Variants in LRMDA observed in about 807,000 individuals in gnomAD.
LRMDA encodes leucine-rich melanocyte differentiation-associated protein.
A neutral mutation model predicts 29.8 loss-of-function variants in LRMDA; 18 were observed. That is an observed-to-expected ratio of 0.60 (90% CI 0.42 to 0.90). LRMDA has a LOEUF of 0.90. LRMDA is among the 40% of genes least tolerant of loss of function. The probability of loss-of-function intolerance (pLI) is 0.00; values close to 1 mark genes in which losing one functional copy is unlikely to be tolerated. For synonymous variants in LRMDA, 125 were observed against 109.4 expected (o/e 1.14, Z -0.89); for missense variants, 273 against 273.9 (o/e 1.00, Z 0.02).
At chr10:75,511,223 T>A (rs1192624324) in intron 2 of LRMDA, among the ~76,000 whole-genome samples, 2 of 152,006 alleles carry the variant, frequency 1.3e-5, no homozygotes, top group Non-Finnish European at 2.9e-5. Flanking sequence ...TAGTCCCACC[T>A]ACTCGCGAGG....
At chr10:76,283,417 G>A (rs1840231061) in intron 5 of LRMDA, among the ~76,000 whole-genome samples, 1 of 152,190 alleles carries the variant, frequency 6.6e-6, no homozygotes, top group African/African-American at 2.4e-5. Context: ...GAAGGAGCAT[G>A]AATGAGACAA....
chr10:76,484,034 C>G (rs1241931595), intron 6 of LRMDA, among the ~76,000 whole-genome samples: 1 of 151,904 alleles, frequency 6.6e-6, no homozygotes, highest in African/African-American at 2.4e-5. Context: ...ACTCTTTCAG[C>G]TGCTGTTGTA....
At chr10:76,148,820 G>T (rs1330638263) in intron 5 of LRMDA, among the ~76,000 whole-genome samples, 1 of 151,940 alleles carries the variant, frequency 6.6e-6, no homozygotes, top group Admixed American at 6.6e-5. Context: ...GTTCCTTTTC[G>T]GCCATCTTGG....
chr10:76,300,217 T>G (rs768088213), intron 5 of LRMDA, among the ~76,000 whole-genome samples: 7 of 152,218 alleles, frequency 4.6e-5, no homozygotes, highest in Non-Finnish European at 8.8e-5. Context: ...AAAAATAGAC[T>G]GTGAGATCTG....
intron 6 of LRMDA, among the ~76,000 whole-genome samples, chr10:76,340,778 C>T (rs1002104143): frequency 6.6e-6 from 1 of 152,046 alleles, no homozygotes; most frequent in African/African-American, 2.4e-5. Flanking sequence ...ACAACAACAA[C>T]ACAGAGCGCA....
At chr10:75,432,035 G>T (rs940889563) in intron 1 of LRMDA, among the ~76,000 whole-genome samples, 3 of 152,198 alleles carry the variant, frequency 2.0e-5, no homozygotes, top group African/African-American at 7.2e-5. Flanking sequence ...AGGCCCAGCG[G>T]ACACAGTGCT....
At chr10:76,061,437 G>A (rs116019929) in intron 5 of LRMDA, among the ~76,000 whole-genome samples, 291 of 152,204 alleles carry the variant, frequency 1.9e-3, no homozygotes, top group African/African-American at 6.8e-3. Flanking sequence ...TGGTACCTGG[G>A]TATGAAATAA....
At chr10:76,213,124 T>A (rs1375613783) in intron 5 of LRMDA, among the ~76,000 whole-genome samples, 1 of 152,224 alleles carries the variant, frequency 6.6e-6, no homozygotes, top group Non-Finnish European at 1.5e-5. Context: ...TCACTTGAAG[T>A]CTTTAGTTAC....
At chr10:76,099,679 C>T (rs1485521585) in intron 5 of LRMDA, among the ~76,000 whole-genome samples, 1 of 152,046 alleles carries the variant, frequency 6.6e-6, no homozygotes, top group Non-Finnish European at 1.5e-5. Flanking sequence ...ATTTCATATA[C>T]TTGGCAATAT....
At chr10:75,517,471 G>A (rs899839452) in intron 2 of LRMDA, among the ~76,000 whole-genome samples, 1 of 152,112 alleles carries the variant, frequency 6.6e-6, no homozygotes, top group Non-Finnish European at 1.5e-5. Context: ...AGTTGTGAAT[G>A]GGAGTTCATT....
At chr10:76,287,753 G>T (rs769050432) in intron 5 of LRMDA, among the ~76,000 whole-genome samples, 5 of 152,116 alleles carry the variant, frequency 3.3e-5, no homozygotes, top group Non-Finnish European at 5.9e-5. Context: ...ATAAAATTCT[G>T]TTCCATAAAC....
intron 2 of LRMDA, among the ~76,000 whole-genome samples, chr10:75,910,621 T>A (rs1283350907): frequency 2.6e-5 from 4 of 152,222 alleles, no homozygotes; most frequent in Non-Finnish European, 5.9e-5. Flanking sequence ...TATCGTCTCA[T>A]CTTCTAGAAA....
At chr10:76,145,565 T>C (rs930607975) in intron 5 of LRMDA, among the ~76,000 whole-genome samples, 24 of 152,212 alleles carry the variant, frequency 1.6e-4, no homozygotes, top group Non-Finnish European at 2.5e-4. Flanking sequence ...ATTGCGTCTA[T>C]TTGATTCTTC....
chr10:75,513,725 T>G (rs1245774677), intron 2 of LRMDA, among the ~76,000 whole-genome samples: 1 of 152,194 alleles, frequency 6.6e-6, no homozygotes, highest in Non-Finnish European at 1.5e-5. Context: ...CCTCCGTTTC[T>G]GATTTTACAT....
chr10:76,067,696 G>A lies in LRMDA; in HGVS notation c.516+8913G>A, dbSNP rs1440265306. Among the ~76,000 whole-genome samples the A allele has an allele frequency of 7.9e-5, 12 of 152,120 alleles. No homozygotes were observed. In the East Asian group the frequency reaches 2.3e-3, roughly 29 times the overall value. ...CTCCCAATTCTTTGCTTTGAGCTTG[G>A]TGATTCTAGGCTAGTGATGAAGAAG... On this transcript the variant is annotated intron_variant, in intron 5 of 6. Transcript: ENST00000611255.
At chr10:76,188,110 A>G (rs774776623) in intron 5 of LRMDA, among the ~76,000 whole-genome samples, 6 of 152,152 alleles carry the variant, frequency 3.9e-5, no homozygotes, top group Non-Finnish European at 7.4e-5. Flanking sequence ...GCTATCTGCC[A>G]GTCTCCTGCT....
intron 2 of LRMDA, among the ~76,000 whole-genome samples, chr10:75,463,362 C>T (rs905450748): frequency 1.3e-5 from 2 of 152,126 alleles, no homozygotes; most frequent in Non-Finnish European, 2.9e-5. Context: ...CTGCTTAGAC[C>T]TGACTTGAGC....
At position 76,362,528 on chromosome 10, in the gene LRMDA, A is replaced by G. The variant is rs149135216; in HGVS notation, c.601+38043A>G. On this transcript the variant is annotated intron_variant, in intron 6 of 6. Transcript: ENST00000611255. ...TTTATTCTAGCATTTAAGAACATTC[A>G]CTATGGAGACAAAAATTAGTAATCT... 9.3e-3 allele frequency among the ~76,000 whole-genome samples: 1,412 copies of G among 152,350 alleles called. 9 individuals carry two copies. Among genetic ancestry groups the G allele is most frequent in the South Asian group, 0.016 (75 of 4,832 alleles).
chr10:75,735,907 C>T (rs1262836889), intron 2 of LRMDA, among the ~76,000 whole-genome samples: 2 of 152,142 alleles, frequency 1.3e-5, no homozygotes, highest in Non-Finnish European at 2.9e-5. Context: ...ATTTTTTTTA[C>T]ATCTTTCCAC....
Sources: gnomAD v4.1 joint callset for allele counts (sites outside exome capture counted in the v4.1 genomes callset) on GRCh38, gnomAD v4.1.1 for gene constraint, MANE v1.5 for transcripts, NCBI Gene and HGNC (gene_info 2026-07-23, HGNC 2026-07-21) for gene names.